NDFIP1: variants seen among roughly 807,000 people sequenced by gnomAD.
The protein encoded by NDFIP1 is Nedd4 family interacting protein 1.
A neutral mutation model predicts 28.8 loss-of-function variants in NDFIP1; 7 were observed. The observed-to-expected ratio is 0.24, with a 90% CI of 0.14 to 0.46. The LOEUF (loss-of-function observed/expected upper bound fraction) is 0.46. Ranked by LOEUF, NDFIP1 falls within the 20% of genes least tolerant of loss-of-function variation. The probability of loss-of-function intolerance (pLI) is 0.99; values close to 1 mark genes in which losing one functional copy is unlikely to be tolerated. For synonymous variants in NDFIP1, 92 were observed against 101.0 expected, an observed-to-expected ratio of 0.91 and a Z score of 0.53; for missense variants, 194 against 269.1, an observed-to-expected ratio of 0.72 and a Z score of 1.95.
chr5:142,118,640 T>C (rs1013495413), intron 1 of NDFIP1, among the ~76,000 whole-genome samples: 6 of 152,350 alleles, frequency 3.9e-5, no homozygotes, highest in South Asian at 2.1e-4. Context: ...GAAGTCACTA[T>C]GCATGGTCCA....
chr5:142,124,376 T>C (rs1757149767), intron 1 of NDFIP1, among the ~76,000 whole-genome samples: 1 of 152,206 alleles, frequency 6.6e-6, no homozygotes, highest in African/African-American at 2.4e-5. Context: ...CTTGGACCTA[T>C]GTAAAGAATA....
chr5:142,125,952 T>C (rs1397541769), intron 1 of NDFIP1, among the ~76,000 whole-genome samples: 2 of 152,230 alleles, frequency 1.3e-5, no homozygotes, highest in Non-Finnish European at 2.9e-5. Flanking sequence ...TATAATTGGG[T>C]TGCCTTTTTA....
chr5:142,112,404 T>G (rs578105873), intron 1 of NDFIP1, among the ~76,000 whole-genome samples: 191 of 149,448 alleles, frequency 1.3e-3, no homozygotes, highest in African/African-American at 4.3e-3. Context: ...CACGGTGTGG[T>G]GGTGCACATC....
chr5:142,138,736 C>T (rs1006969522), intron 5 of NDFIP1, among the ~76,000 whole-genome samples: 1 of 152,094 alleles, frequency 6.6e-6, no homozygotes, highest in Non-Finnish European at 1.5e-5. Flanking sequence ...GTTAAGAACT[C>T]GAGCCCTAAA....
chr5:142,145,222 TGA>T (rs1757375138), intron 7 of NDFIP1, among the ~76,000 whole-genome samples: 1 of 152,218 alleles, frequency 6.6e-6, no homozygotes, highest in Non-Finnish European at 1.5e-5. Context: ...CACTCTAATG[TGA>T]GGAAGGTCAA....
chr5:142,149,622 T>C (rs901010911), intron 7 of NDFIP1, among the ~76,000 whole-genome samples: 8 of 152,164 alleles, frequency 5.3e-5, no homozygotes, highest in African/African-American at 4.8e-5. Context: ...TGTGTGGTGA[T>C]TGAGATTACC....
intron 1 of NDFIP1, among the ~76,000 whole-genome samples, chr5:142,125,549 A>G (rs1004401161): frequency 6.6e-6 from 1 of 152,048 alleles, no homozygotes; most frequent in Non-Finnish European, 1.5e-5. Context: ...TAGTAGAGAC[A>G]GGATCTTGCT....
chr5:142,116,367 TC>T (rs1757068502), intron 1 of NDFIP1, among the ~76,000 whole-genome samples: 1 of 151,434 alleles, frequency 6.6e-6, no homozygotes, highest in Non-Finnish European at 1.5e-5. Flanking sequence ...TCTCTCTCTC[TC>T]TCTCTTTCTT....
rs10515513 is a variant in NDFIP1 at position 142,154,280 on chromosome 5, A to G, written c.*2552A>G. ...GCTGCAGGACGACTAGGATTCACCC[A>G]TAACGACACAGTGCCCTATGTTTCT... On this transcript the variant is annotated 3_prime_UTR_variant, in exon 8 of 8. Coordinates refer to ENST00000253814, the MANE Select transcript of NDFIP1 (RefSeq NM_030571.4). 6,729 of 152,452 alleles carry G rather than the reference A, an allele frequency of 0.044. 211 individuals carry two copies. Among genetic ancestry groups the G allele is most frequent in the Middle Eastern group, 0.092 (27 of 294 alleles). The allele number at this position is 152,452 out of a possible 1,614,324, so 9.4% of individuals were successfully genotyped here.
chr5:142,135,825 T>C lies in NDFIP1; in HGVS notation c.370+8T>C. The stretch of plus-strand genomic sequence containing the variant: ...TCATGTTAACTTTTTTCAGTAAGTA[T>C]GTATGCATATCAGAACCACCCCCTA... On this transcript the variant is annotated splice_region_variant and intron_variant, in intron 4 of 7. Transcript: ENST00000253814. The C allele has an allele frequency of 6.2e-7, 1 of 1,604,414 alleles. No individual in the cohort carries two copies. Among genetic ancestry groups the C allele is most frequent in the Non-Finnish European group, 8.5e-7 (1 of 1,171,312 alleles).
chr5:142,123,879 G>A (rs1757144760), intron 1 of NDFIP1, among the ~76,000 whole-genome samples: 1 of 152,070 alleles, frequency 6.6e-6, no homozygotes, highest in Admixed American at 6.6e-5. Flanking sequence ...ATTTTCTTAT[G>A]GAACCAAGAA....
At chr5:142,132,841 C>A (rs1757240417) in intron 3 of NDFIP1, among the ~76,000 whole-genome samples, 2 of 152,158 alleles carry the variant, frequency 1.3e-5, no homozygotes, top group African/African-American at 4.8e-5. Flanking sequence ...GATGTTGATT[C>A]ATGGAGGTGG....
intron 1 of NDFIP1, among the ~76,000 whole-genome samples, chr5:142,111,382 G>A (rs1372171309): frequency 6.6e-6 from 1 of 151,950 alleles, no homozygotes; most frequent in Non-Finnish European, 1.5e-5. Context: ...TTAACTAATT[G>A]CTTATCTTTG....
At chr5:142,130,204 T>C (rs1246535972) in intron 1 of NDFIP1, among the ~76,000 whole-genome samples, 2 of 152,192 alleles carry the variant, frequency 1.3e-5, no homozygotes, top group Non-Finnish European at 2.9e-5. Context: ...ATTAATATAG[T>C]TCATTGTCAC....
intron 1 of NDFIP1, among the ~76,000 whole-genome samples, chr5:142,122,784 T>A (rs1007742947): frequency 1.3e-5 from 2 of 152,214 alleles, no homozygotes; most frequent in African/African-American, 4.8e-5. Context: ...GTGAAATGTC[T>A]ATTCAAGTCT....
intron 4 of NDFIP1, among the ~76,000 whole-genome samples, chr5:142,136,776 A>G (rs994861439): frequency 4.8e-5 from 7 of 145,618 alleles, no homozygotes; most frequent in Admixed American, 1.4e-4. Flanking sequence ...AAAAAAAAAG[A>G]GGTCAAAGGC....
In NDFIP1 at chr5:142,153,712, C is replaced by G; in HGVS notation, c.*1984C>G. ...CCAGAATGAAAAGATCTGTAACAAT[C>G]TGAATAGATGTGGACACATATAGCA... On this transcript the variant is annotated 3_prime_UTR_variant, in exon 8 of 8. Coordinates refer to ENST00000253814, the MANE Select transcript of NDFIP1 (RefSeq NM_030571.4). 3.9e-6 allele frequency: 1 copy of G among 253,586 alleles called. No homozygotes were observed. Among genetic ancestry groups the G allele is most frequent in the South Asian group, 4.8e-5 (1 of 20,726 alleles). The allele number at this position is 253,586 out of a possible 1,614,324, so 15.7% of individuals were successfully genotyped here. A position where few individuals can be genotyped will look rare whatever the true frequency, so the allele number is the denominator to read the frequency against.
At position 142,130,010 on chromosome 5, in the gene NDFIP1, T is replaced by C. The variant is rs532276155; in HGVS notation, c.64-1798T>C. 2.6e-5 allele frequency among the ~76,000 whole-genome samples: 4 copies of C among 152,210 alleles called. No individual in the cohort carries two copies. The South Asian group carries it at 8.3e-4, about 32-fold the overall frequency. ...GGTCTCTCTGTTTTTCTGTCTCAAT[T>C]CAAGATAGAGTTCTTTGTAGCGGTA... On this transcript the variant is annotated intron_variant, in intron 1 of 7. Transcript: ENST00000253814.
intron 7 of NDFIP1, among the ~76,000 whole-genome samples, chr5:142,145,663 G>A (rs1028960698): frequency 6.6e-6 from 1 of 152,116 alleles, no homozygotes; most frequent in African/African-American, 2.4e-5. Flanking sequence ...GAAGTATGGG[G>A]CTTGTTCAGA....
Sources: gnomAD v4.1 joint callset for allele counts (sites outside exome capture counted in the v4.1 genomes callset) on GRCh38, gnomAD v4.1.1 for gene constraint, MANE v1.5 for transcripts, NCBI Gene and HGNC (gene_info 2026-07-23, HGNC 2026-07-21) for gene names.